Variants in OSBPL8 observed in about 807,000 individuals in gnomAD.
OSBPL8 encodes oxysterol-binding protein-related protein 8.
OSBPL8 carries 59 observed loss-of-function variants against 125.5 expected under a neutral mutation model. The observed-to-expected ratio is 0.47, with a 90% confidence interval of 0.38 to 0.58. OSBPL8 has a LOEUF of 0.58. OSBPL8 is among the 20% of genes least tolerant of loss of function. The pLI, the probability that OSBPL8 is intolerant of heterozygous loss-of-function variation, is 0.00. For missense variants in OSBPL8, 758 were observed against 1,047.8 expected, an observed-to-expected ratio of 0.72 and a Z score of 3.82; for synonymous variants, 330 against 338.9, an observed-to-expected ratio of 0.97 and a Z score of 0.29.
At chr12:76,545,068 G>A (rs1950747268) in intron 1 of OSBPL8, among the ~76,000 whole-genome samples, 1 of 152,118 alleles carries the variant, frequency 6.6e-6, no homozygotes, top group Non-Finnish European at 1.5e-5. Context: ...AACACTTCTT[G>A]CAGGTTTATT....
At chr12:76,548,964 A>G (rs746286415) in intron 1 of OSBPL8, among the ~76,000 whole-genome samples, 5 of 152,222 alleles carry the variant, frequency 3.3e-5, no homozygotes, top group Non-Finnish European at 7.3e-5. Flanking sequence ...GACACAAGGT[A>G]TCTTTAAAAA....
chr12:76,498,427 T>C (rs575442598), intron 1 of OSBPL8, among the ~76,000 whole-genome samples: 27 of 152,340 alleles, frequency 1.8e-4, no homozygotes, highest in African/African-American at 6.5e-4. Context: ...CCATCCACTT[T>C]ACAAGGTGCA....
intron 2 of OSBPL8, among the ~76,000 whole-genome samples, chr12:76,469,404 T>A (rs981280441): frequency 2.0e-5 from 3 of 152,188 alleles, no homozygotes; most frequent in South Asian, 2.1e-4. Context: ...CATCTTTCTA[T>A]TATCAGGTCG....
At chr12:76,501,928 C>T (rs961518621) in intron 1 of OSBPL8, among the ~76,000 whole-genome samples, 2 of 152,238 alleles carry the variant, frequency 1.3e-5, no homozygotes, top group African/African-American at 4.8e-5. Flanking sequence ...CTTAGAGTGC[C>T]TCATCTACCA....
intron 1 of OSBPL8, among the ~76,000 whole-genome samples, chr12:76,548,012 T>A (rs17042349): frequency 0.065 from 9,839 of 152,226 alleles, 1,074 homozygotes; most frequent in African/African-American, 0.22. Context: ...ATGATCATCA[T>A]AATTTCTATG....
At chr12:76,385,920 C>G in intron 14 of OSBPL8, 1 of 368,692 alleles carries the variant, frequency 2.7e-6, no homozygotes. Flanking sequence ...AAAAAAAGGG[C>G]AGGGGGCATA....
chr12:76,421,298 A>C (rs1869451428), intron 4 of OSBPL8, among the ~76,000 whole-genome samples: 1 of 152,058 alleles, frequency 6.6e-6, no homozygotes, highest in African/African-American at 2.4e-5. Context: ...AAACGACTAA[A>C]ATTTACACCA....
intron 10 of OSBPL8, 73 bp downstream of exon 10, chr12:76,392,508 T>C: frequency 7.1e-7 from 1 of 1,410,626 alleles, no homozygotes; most frequent in Non-Finnish European, 9.7e-7. Flanking sequence ...ACTAAAATTC[T>C]AGGCCTGCCA....
intron 4 of OSBPL8, among the ~76,000 whole-genome samples, chr12:76,427,947 C>G (rs1424492576): frequency 6.6e-6 from 1 of 151,980 alleles, no homozygotes; most frequent in Non-Finnish European, 1.5e-5. Flanking sequence ...GCATCCTACT[C>G]TGACATTAAA....
chr12:76,391,714 G>A (rs1953566501), intron 10 of OSBPL8, among the ~76,000 whole-genome samples: 1 of 152,108 alleles, frequency 6.6e-6, no homozygotes. Context: ...AGTGAGCTAT[G>A]ATTGTGCCAC....
intron 12 of OSBPL8, among the ~76,000 whole-genome samples, chr12:76,388,571 T>G (rs566582764): frequency 5.3e-5 from 8 of 152,360 alleles, no homozygotes; most frequent in Non-Finnish European, 1.0e-4. Context: ...ATAAAAGCTT[T>G]TTGACTTTTT....
At chr12:76,407,442 G>A (rs1193525701) in intron 5 of OSBPL8, among the ~76,000 whole-genome samples, 1 of 152,004 alleles carries the variant, frequency 6.6e-6, no homozygotes, top group Non-Finnish European at 1.5e-5. Context: ...GTAGAGACAG[G>A]GTCTTGTCAT....
intron 6 of OSBPL8, among the ~76,000 whole-genome samples, chr12:76,401,672 T>C (rs780418804): frequency 2.6e-5 from 4 of 152,166 alleles, no homozygotes; most frequent in Non-Finnish European, 5.9e-5. Flanking sequence ...TAATATATTC[T>C]CTTACTGATA....
chr12:76,546,412 T>A (rs549127129), intron 1 of OSBPL8, among the ~76,000 whole-genome samples: 3 of 152,278 alleles, frequency 2.0e-5, no homozygotes, highest in African/African-American at 7.2e-5. Context: ...CATAAATTCT[T>A]GGGAAAATAA....
At chr12:76,376,814 T>A (rs1283522905) in intron 16 of OSBPL8, among the ~76,000 whole-genome samples, 1 of 152,072 alleles carries the variant, frequency 6.6e-6, no homozygotes, top group African/African-American at 2.4e-5. Flanking sequence ...CTGGGATACA[T>A]GTGCAGAACG....
intron 1 of OSBPL8, among the ~76,000 whole-genome samples, chr12:76,548,265 T>C (rs1183022049): frequency 6.6e-6 from 1 of 151,976 alleles, no homozygotes; most frequent in Non-Finnish European, 1.5e-5. Context: ...ATATGTGAGA[T>C]TGATAGAAAT....
chr12:76,480,976 C>A (rs1877409961), intron 2 of OSBPL8, among the ~76,000 whole-genome samples: 2 of 152,014 alleles, frequency 1.3e-5, no homozygotes, highest in African/African-American at 4.8e-5. Context: ...TCATAAGTAT[C>A]CTTATAAGAG....
At chr12:76,499,790 T>C (rs957721929) in intron 1 of OSBPL8, among the ~76,000 whole-genome samples, 27 of 151,754 alleles carry the variant, frequency 1.8e-4, no homozygotes, top group Admixed American at 1.7e-3. Context: ...GGAGCGGAGG[T>C]TGCAGCAGGC....
Position 76,354,664 on chromosome 12 carries a change from A to T in OSBPL8, c.*1225T>A, listed in dbSNP as rs1360067689. ...TATAAATATTTACGTAAAAACACAA[A>T]ATCAAAATATTAAACTGAAGAAACA... is the stretch of plus-strand genomic sequence containing the variant. On this transcript the variant is annotated 3_prime_UTR_variant, in exon 24 of 24. Transcript: ENST00000261183. 1 of 152,002 alleles carries T rather than the reference A, an allele frequency of 6.6e-6. No homozygotes were observed. The highest frequency in any genetic ancestry group is 1.9e-4 in the East Asian group (1 of 5,206). 9.4% of individuals were successfully genotyped at this position (152,002 alleles called of 1,614,324 possible).
Sources: allele counts gnomAD v4.1 joint callset (sites outside exome capture counted in the v4.1 genomes callset), GRCh38; gene constraint gnomAD v4.1.1; transcripts MANE v1.5; gene names NCBI Gene and HGNC (gene_info 2026-07-23, HGNC 2026-07-21).